The following HS1BP3 variants were observed in gnomAD, a reference collection of about 807,000 sequenced individuals.
HS1BP3 encodes the protein HCLS1 binding protein 3, also known as HCLS1-binding protein 3.
In HS1BP3, 32 loss-of-function variants were observed where a neutral mutation model predicts 33.5. The ratio of observed to expected loss-of-function variants is 0.95; its 90% CI spans 0.72 to 1.28. The LOEUF (loss-of-function observed/expected upper bound fraction) is 1.28, where lower values mean the gene tolerates loss of function less well. HS1BP3 is among the 50% of genes most tolerant of loss of function. The probability of loss-of-function intolerance (pLI) is 0.00; values close to 1 mark genes in which losing one functional copy is unlikely to be tolerated. For missense variants in HS1BP3, 486 were observed against 502.3 expected, an observed-to-expected ratio of 0.97 and a Z score of 0.31; for synonymous variants, 187 against 209.2, an observed-to-expected ratio of 0.89 and a Z score of 0.92.
chr2:20,610,391 C>A (rs1694295052), intron 2 of HS1BP3, among the ~76,000 whole-genome samples: 1 of 152,104 alleles, frequency 6.6e-6, no homozygotes, highest in Non-Finnish European at 1.5e-5. Flanking sequence ...CCCCTTGAAC[C>A]CCAGAAACCA....
chr2:20,623,932 C>T lies in HS1BP3; in HGVS notation c.884G>A (p.Ser295Asn). Residue 295 changes from serine (S) to asparagine (N), a missense_variant, in exon 6 of 7, where the codon AGC (serine) becomes AAC (asparagine). Transcript: ENST00000304031. ...CTTGGAGGCGTCCCTGTGGCTGAGG[C>T]TGGGTGTGGGCCCTCCACTCTCACA... ...AACESGGPTP[S>N]LSHRDASKEL... 1.2e-6 allele frequency: 2 copies of T among 1,612,490 alleles called. No individual in the cohort carries two copies. The highest frequency in any genetic ancestry group is 8.5e-7 in the Non-Finnish European group (1 of 1,179,898).
At chr2:20,558,590 A>G (rs756599074), downstream of HS1BP3, among the ~76,000 whole-genome samples, 22 of 152,282 alleles carry the variant, frequency 1.4e-4, no homozygotes, top group Middle Eastern at 3.4e-3. Flanking sequence ...CGCTGGCACG[A>G]AGAGGGTGGG....
At chr2:20,566,353 T>C (rs932792317) in intron 5 of HS1BP3, among the ~76,000 whole-genome samples, 1 of 152,226 alleles carries the variant, frequency 6.6e-6, no homozygotes. Flanking sequence ...ATCTGTAGTA[T>C]GTGGGTCCGG....
At chr2:20,633,648 G>A (rs1176327294) in intron 4 of HS1BP3, among the ~76,000 whole-genome samples, 2 of 152,308 alleles carry the variant, frequency 1.3e-5, no homozygotes, top group South Asian at 2.1e-4. Context: ...TCAGCCTCCT[G>A]AGTAGCTGGG....
chr2:20,581,494 C>T (rs112568936), intron 5 of HS1BP3, among the ~76,000 whole-genome samples: 8,379 of 152,156 alleles, frequency 0.055, 311 homozygotes, highest in African/African-American at 0.11. Flanking sequence ...GGATTACAGG[C>T]GTGCACCACC....
intron 6 of HS1BP3, chr2:20,622,211 T>C (rs1187994072): frequency 7.7e-7 from 1 of 1,296,032 alleles, no homozygotes; most frequent in Non-Finnish European, 1.0e-6. Context: ...TTCTTTATTA[T>C]GAGGAAGTCC....
At chr2:20,616,660 A>T (rs973236554), downstream of HS1BP3, among the ~76,000 whole-genome samples, 3 of 152,114 alleles carry the variant, frequency 2.0e-5, no homozygotes, top group African/African-American at 7.2e-5. Context: ...CATAGTGAGG[A>T]GTGACCAGAA....
downstream of HS1BP3, among the ~76,000 whole-genome samples, chr2:20,589,292 G>C (rs981937370): frequency 8.5e-5 from 13 of 152,168 alleles, no homozygotes; most frequent in Non-Finnish European, 1.9e-4. Context: ...ACCCTGCAGC[G>C]TGCCAATGTC....
At chr2:20,578,891 G>A (rs1395022072) in intron 5 of HS1BP3, among the ~76,000 whole-genome samples, 5 of 152,206 alleles carry the variant, frequency 3.3e-5, no homozygotes, top group African/African-American at 9.7e-5. Context: ...AACAGTAACA[G>A]CAATGTCCAG....
intron 5 of HS1BP3, among the ~76,000 whole-genome samples, chr2:20,575,982 T>C (rs566317538): frequency 6.7e-6 from 1 of 150,242 alleles, no homozygotes; most frequent in South Asian, 2.1e-4. Context: ...CCCATTTCCA[T>C]CTTTGTTTTG....
intron 2 of HS1BP3, among the ~76,000 whole-genome samples, chr2:20,609,624 C>G (rs941934800): frequency 2.0e-5 from 3 of 152,210 alleles, no homozygotes; most frequent in African/African-American, 7.2e-5. Context: ...CCTGAGCCAC[C>G]ATGCAGTTAA....
Position 20,641,177 on chromosome 2 carries a change from A to C in HS1BP3, c.202T>G (p.Ser68Ala), listed in dbSNP as rs956999304. Residue 68 changes from serine to alanine, a missense_variant, in exon 3 of 7, where the codon TCC (serine) becomes GCC (alanine). Physicochemically the swap from Ser to Ala is moderately conservative, Grantham distance 99 (BLOSUM62 1). Coordinates refer to ENST00000304031, the MANE Select transcript of HS1BP3 (RefSeq NM_022460.4). ...RPEDVVQFLV[S>A]KKYSEIEEFY... Reference sequence around the variant, plus strand: ...TCCTCAATCTCGCTGTACTTTTTGGAGACCTGGAATGAGAGGAGCATGTGG... The same window carrying C: ...TCCTCAATCTCGCTGTACTTTTTGGCGACCTGGAATGAGAGGAGCATGTGG... The C allele has an allele frequency of 3.1e-6, 5 of 1,603,484 alleles. No homozygotes were observed. Among genetic ancestry groups the C allele is most frequent in the Non-Finnish European group, 4.2e-6 (5 of 1,179,684 alleles).
At chr2:20,650,234 C>A (rs954261600) in intron 1 of HS1BP3, among the ~76,000 whole-genome samples, 2 of 152,218 alleles carry the variant, frequency 1.3e-5, no homozygotes, top group African/African-American at 4.8e-5. Flanking sequence ...AAATTGGCAT[C>A]TTAGCCTAAG....
chr2:20,642,543 G>A (rs945227235), intron 2 of HS1BP3, among the ~76,000 whole-genome samples: 2 of 152,234 alleles, frequency 1.3e-5, no homozygotes, highest in Admixed American at 6.5e-5. Context: ...AGCCCGGCCC[G>A]CAGAGCAGGC....
chr2:20,619,346 C>G (rs570972269), intron 6 of HS1BP3, 101 bp from the exon 7 acceptor site: 1 of 1,051,100 alleles, frequency 9.5e-7, no homozygotes, highest in Non-Finnish European at 1.4e-6. Context: ...TGGGCAGCGG[C>G]AGGGAGCCCA....
chr2:20,561,025 C>T (rs967471864), intron 5 of HS1BP3, among the ~76,000 whole-genome samples: 3 of 152,170 alleles, frequency 2.0e-5, no homozygotes, highest in Admixed American at 1.3e-4. Flanking sequence ...AGCCAGTACA[C>T]CCTACCCCCA....
intron 5 of HS1BP3, 132 bp downstream of exon 5, chr2:20,624,600 A>G: frequency 1.2e-6 from 1 of 810,988 alleles, no homozygotes. Flanking sequence ...CACAAAGCTG[A>G]GTCTATATCA....
downstream of HS1BP3, among the ~76,000 whole-genome samples, chr2:20,613,812 A>G (rs963170273): frequency 1.3e-5 from 2 of 152,360 alleles, no homozygotes; most frequent in East Asian, 3.9e-4. Context: ...CACAGGGGGC[A>G]TGCCTTGCAG....
intron 2 of HS1BP3, among the ~76,000 whole-genome samples, chr2:20,612,164 G>A (rs1374931765): frequency 6.6e-6 from 1 of 152,146 alleles, no homozygotes; most frequent in Non-Finnish European, 1.5e-5. Context: ...GGAGGAAATT[G>A]GGGCACAGAG....
Sources: allele counts gnomAD v4.1 joint callset (sites outside exome capture counted in the v4.1 genomes callset), GRCh38; gene constraint gnomAD v4.1.1; transcripts MANE v1.5; gene names NCBI Gene and HGNC (gene_info 2026-07-23, HGNC 2026-07-21).